The following NEB variants were observed in gnomAD, a reference collection of about 807,000 sequenced individuals.
NEB encodes the protein nebulin.
In NEB, 512 loss-of-function variants were observed where a neutral mutation model predicts 952.2. The observed-to-expected ratio is 0.54, with a 90% CI of 0.50 to 0.58. The LOEUF (loss-of-function observed/expected upper bound fraction) is 0.58, where lower values mean the gene tolerates loss of function less well. Among genes scored for constraint, NEB ranks in the 20% least tolerant of loss-of-function variants. The pLI is 0.00. For synonymous variants in NEB, 2,900 were observed against 3,149.8 expected (o/e 0.92, Z 2.66); for missense variants, 8,428 against 9,231.1 (o/e 0.91, Z 3.56).
intron 1 of NEB, 144 bp from the exon 2 acceptor site, chr2:151,733,939 G>A (rs887776847): frequency 5.3e-5 from 8 of 152,134 alleles, no homozygotes; most frequent in African/African-American, 1.9e-4. Context: ...CTCTTGATAT[G>A]AAGTGGATGA....
intron 107 of NEB, among the ~76,000 whole-genome samples, chr2:151,574,370 C>G (rs1284250060): frequency 6.6e-6 from 1 of 152,232 alleles, no homozygotes; most frequent in East Asian, 1.9e-4. Flanking sequence ...ATATTAGGGG[C>G]ACCCTCATTT....
In NEB at chr2:151,631,273, T is replaced by C. The variant is rs373793316; in HGVS notation, c.9488A>G (p.Lys3163Arg). 5.0e-6 allele frequency: 8 copies of C among 1,613,958 alleles called. No individual in the cohort carries two copies. The African/African-American group carries it at 9.3e-5, about 19-fold the overall frequency. Residue 3163 changes from lysine (K) to arginine (R), a missense_variant, in exon 66 of 182, where the codon AAG (lysine) becomes AGG (arginine). Lys to Arg is a conservative substitution (Grantham distance 26). This residue lies in a region of NEB where 1,772 missense variants were observed against 1,960.3 expected (regional missense o/e 0.90). Coordinates refer to ENST00000397345, the MANE Select transcript of NEB (RefSeq NM_001164508.2). The part of the protein sequence containing the change: ...WVPIGSMDVV[K>R]CKRATEILSD... ...CAGTATTTCGGTAGCTCTCTTGCAC[T>C]TGACCACATCCATAGACCCAATGGG...
chr2:151,707,463 T>G (rs1258234967), intron 12 of NEB, among the ~76,000 whole-genome samples: 2 of 152,238 alleles, frequency 1.3e-5, no homozygotes, highest in African/African-American at 4.8e-5. Flanking sequence ...TCCACGCTTT[T>G]ATGCCTCACC....
In NEB at chr2:151,533,448, C is replaced by G. The variant is rs1343837039; in HGVS notation, c.21411G>C (p.Trp7137Cys). Residue 7137 changes from tryptophan to cysteine, a missense_variant, in exon 143 of 182, where the codon TGG becomes TGC. By Grantham distance (215) the Trp-to-Cys change is radical (BLOSUM62 -2). Transcript: ENST00000397345. ...MLTALYNSHM[W>C]SQIKYRKNYE... ...ACATCCCATCAGACATTACCTGGCT[C>G]CACATATGCGAATTGTAGAGAGCAG... 2 of 1,548,964 alleles carry G rather than the reference C, an allele frequency of 1.3e-6. No individual in the cohort carries two copies. The highest frequency in any genetic ancestry group is 1.2e-5 in the South Asian group (1 of 83,978).
intron 155 of NEB, among the ~76,000 whole-genome samples, chr2:151,518,716 G>T (rs570511034): frequency 9.9e-5 from 15 of 152,274 alleles, no homozygotes; most frequent in African/African-American, 3.6e-4. Context: ...AGAGAAAAGG[G>T]AATGGTTAAT....
intron 121 of NEB, among the ~76,000 whole-genome samples, chr2:151,561,556 T>G (rs192425425): frequency 2.4e-4 from 37 of 151,224 alleles, no homozygotes; most frequent in African/African-American, 8.5e-4. Flanking sequence ...TCTCCATCCC[T>G]GACAGCAGCC....
intron 136 of NEB, 137 bp from the exon 137 acceptor site, chr2:151,540,938 TTTG>T: frequency 1.4e-6 from 1 of 728,474 alleles, no homozygotes; most frequent in Non-Finnish European, 2.4e-6. Flanking sequence ...TGCTTGTTTT[TTTG>T]TTATATGCGT....
chr2:151,640,487 C>T lies in NEB; in HGVS notation c.8553G>A (p.Gly2851=), dbSNP rs200624735. The T allele has an allele frequency of 1.8e-4, 292 of 1,613,862 alleles. 2 individuals carry two copies. In the African/African-American group the frequency reaches 2.8e-3, roughly 15 times the overall value. The change falls in exon 61 of 182, where the codon GGG becomes GGA. Residue 2851 remains glycine (G), a synonymous_variant. Coordinates refer to ENST00000397345, the MANE Select transcript of NEB (RefSeq NM_001164508.2). ...TCTGGCACTTCTTGGCCAGCACCAC[C>T]CCCAGCATGTCCACTGGGCTGCTGA... ...TKFSSPVDML[G]VVLAKKCQTL...
chr2:151,620,979 G>C lies in NEB; in HGVS notation c.10500C>G (p.Asp3500Glu), dbSNP rs1342319581. 6.2e-7 allele frequency: 1 copy of C among 1,612,886 alleles called. No homozygotes were observed. The highest frequency in any genetic ancestry group is 1.1e-5 in the South Asian group (1 of 90,766). ...CAATGGGAATGGCATCACTTCTCAA[G>C]TCATAGCCTTCTTTCTTGGCTTCTT... The part of the protein sequence containing the change: ...AMEEAKKEGY[D>E]LRSDAIPIVA... Residue 3500 changes from aspartate (D) to glutamate (E), a missense_variant, in exon 72 of 182, where the codon GAC becomes GAG. Asp to Glu is a conservative substitution (Grantham distance 45). Around this residue, in one of 11 missense-constraint regions of NEB, gnomAD observed 1,772 missense variants for 1,960.3 expected, o/e 0.90. Coordinates refer to ENST00000397345, the MANE Select transcript of NEB (RefSeq NM_001164508.2).
At chr2:151,671,418 A>G (rs2099288915) in intron 37 of NEB, 189 bp from the exon 38 acceptor site, 1 of 568,266 alleles carries the variant, frequency 1.8e-6, no homozygotes, top group South Asian at 2.6e-5. Flanking sequence ...AGTGCATTAT[A>G]CAACACAGAA....
rs757407447 is a variant in NEB, at chr2:151,553,830, C to T, written c.19624G>A (p.Asp6542Asn). 7 of 1,608,938 alleles carry T rather than the reference C, an allele frequency of 4.4e-6. No individual in the cohort carries two copies. In the South Asian group the frequency reaches 6.7e-5, roughly 15 times the overall value. The change falls in exon 126 of 182, where the codon GAT (aspartate) becomes AAT (asparagine). Residue 6542 changes from aspartate (D) to asparagine (N), a missense_variant and splice_region_variant. Asp to Asn is a conservative substitution (Grantham distance 23). Coordinates refer to ENST00000397345, the MANE Select transcript of NEB (RefSeq NM_001164508.2). ...HVRKVTDQIS[D>N]IVYKDDLNWL... ...TACTTCTTAAGTCACAGGCTTACAT[C>T]GCTGATCTGATCTGTGACTTTCCTG... is the stretch of plus-strand genomic sequence containing the variant.
At chr2:151,663,414 G>C in intron 45 of NEB, 134 bp downstream of exon 45, 1 of 867,952 alleles carries the variant, frequency 1.2e-6, no homozygotes. Context: ...TTCAATCTAA[G>C]GTAACAAATG....
chr2:151,525,366 G>T, intron 150 of NEB, 93 bp from the exon 151 acceptor site: 1 of 928,602 alleles, frequency 1.1e-6, no homozygotes, highest in South Asian at 1.4e-5. Context: ...GAAAATCCAT[G>T]CTCCCCATTT....
chr2:151,561,145 G>T (rs1276234462), intron 122 of NEB, 37 bp from the exon 123 acceptor site: 7 of 1,567,106 alleles, frequency 4.5e-6, no homozygotes, highest in East Asian at 4.5e-5. Flanking sequence ...CACCTCTGTT[G>T]TTAGAAAATA....
chr2:151,711,246 T>C (rs191005974), intron 10 of NEB, among the ~76,000 whole-genome samples: 8 of 152,316 alleles, frequency 5.3e-5, no homozygotes, highest in African/African-American at 1.9e-4. Flanking sequence ...GGTTTTGAAA[T>C]ACCTTGGCTG....
rs2099191279 is a variant in NEB at position 151,664,845 on chromosome 2, ATTT to A, written c.5254_5256del (p.Lys1752del). On this transcript the variant is annotated inframe_deletion, in exon 43 of 182. Transcript: ENST00000397345. ...TGAATGGTGGTCTTGTCCTTGTTCC[ATTT>A]TTCAGTGTAGAGCCTCTGCAATGAG... 5.0e-6 allele frequency: 8 copies of A among 1,611,836 alleles called. No homozygotes were observed. Among genetic ancestry groups the A allele is most frequent in the Non-Finnish European group, 5.9e-6 (7 of 1,178,826 alleles).
intron 144 of NEB, 30 bp downstream of exon 144, chr2:151,531,762 G>C (rs1421547550): frequency 2.6e-6 from 4 of 1,520,314 alleles, no homozygotes; most frequent in South Asian, 1.2e-5. Context: ...CCCTGAGTTT[G>C]AGAAGGTATT....
intron 10 of NEB, among the ~76,000 whole-genome samples, chr2:151,711,578 C>T (rs2099745454): frequency 6.6e-6 from 1 of 152,118 alleles, no homozygotes; most frequent in Non-Finnish European, 1.5e-5. Context: ...AAATAGCCAA[C>T]TGGTTTTCGT....
At position 151,651,022 on chromosome 2, in the gene NEB, T is replaced by G. The variant is rs183346372; in HGVS notation, c.6916-137A>C. The stretch of plus-strand genomic sequence containing the variant: ...CAGGCTGGTCTTGAACTCCCAGGCC[T>G]ACTTTTCTAGCTTCAGCCTCCCTAG... On this transcript the variant is annotated intron_variant, in intron 52 of 181. Transcript: ENST00000397345. 2.0e-5 allele frequency: 16 copies of G among 795,982 alleles called. No individual in the cohort carries two copies. The Admixed American group carries it at 4.7e-4, about 24-fold the overall frequency. The allele number at this position is 795,982 out of a possible 1,614,324, so 49.3% of individuals were successfully genotyped here. A position where few individuals can be genotyped will look rare whatever the true frequency, so the allele number is the denominator to read the frequency against.
Sources: allele counts gnomAD v4.1 joint callset (sites outside exome capture counted in the v4.1 genomes callset), GRCh38; gene constraint gnomAD v4.1.1; regional missense constraint gnomAD v4.1.1; transcripts MANE v1.5; gene names NCBI Gene and HGNC (gene_info 2026-07-23, HGNC 2026-07-21).